RAMAC: variants seen among roughly 807,000 people sequenced by gnomAD.
The protein encoded by RAMAC is RNA guanine-7 methyltransferase activating subunit, also known as RNA guanine-N7 methyltransferase activating subunit.
Under a neutral mutation model 17.9 loss-of-function variants are expected in RAMAC, and 11 were observed. The observed-to-expected ratio is 0.61, with a 90% CI of 0.39 to 1.02. RAMAC has a LOEUF of 1.02. Among genes scored for constraint, RAMAC ranks in the 50% least tolerant of loss-of-function variants. The probability of loss-of-function intolerance (pLI) is 0.01; values close to 1 mark genes in which losing one functional copy is unlikely to be tolerated. For synonymous variants in RAMAC, 27 were observed against 48.4 expected (o/e 0.56, Z 1.84); for missense variants, 109 against 144.0 (o/e 0.76, Z 1.25).
In RAMAC at chr15:82,990,010, T is replaced by G. The variant is rs780271255; in HGVS notation, c.300T>G (p.Tyr100Ter). Residue 100 changes from tyrosine (Y) to a stop codon, truncating the protein, a stop_gained, in exon 4 of 4, where the codon TAT (tyrosine) becomes TAG (stop). Transcript: ENST00000304191. LOFTEE classifies it high-confidence loss of function. ...NYPQHRQEPY[Y>*]PQQYGHYGYN... is the part of the protein sequence containing the mutation. ...CGCAACACAGACAAGAACCTTACTA[T>G]CCCCAGCAATATGGACATTATGGTT... 6.3e-7 allele frequency: 1 copy of G among 1,582,116 alleles called. No individual in the cohort carries two copies. The highest frequency in any genetic ancestry group is 1.1e-5 in the South Asian group (1 of 89,704).
intron 1 of RAMAC, among the ~76,000 whole-genome samples, chr15:82,986,737 T>C (rs2030627286): frequency 6.6e-6 from 1 of 152,190 alleles, no homozygotes; most frequent in African/African-American, 2.4e-5. Context: ...TTGTGGTGAA[T>C]AAATTAGCAG....
chr15:82,987,504 A>C (rs1290454699), intron 2 of RAMAC, 120 bp downstream of exon 2: 1 of 152,182 alleles, frequency 6.6e-6, no homozygotes, highest in Non-Finnish European at 1.5e-5. Context: ...GAGAACATAA[A>C]AATGGAGTAG....
rs2030741220 is a variant in RAMAC, at chr15:82,988,959, AGT to A, written c.-9-48_-9-47del. The A allele has an allele frequency of 3.5e-5, 53 of 1,495,766 alleles. No homozygotes were observed. The South Asian group carries it at 7.0e-4, about 20-fold the overall frequency. 92.7% of individuals were successfully genotyped at this position (1,495,766 alleles called of 1,614,324 possible). A position where few individuals can be genotyped will look rare whatever the true frequency, so the allele number is the denominator to read the frequency against. ...TCTTGGTTTTTCATTATTTGGAGAG[AGT>A]GTTAATTTTTAAATTTTTTTTAATG... On this transcript the variant is annotated intron_variant, in intron 2 of 3. Transcript: ENST00000304191.
intron 3 of RAMAC, 54 bp from the exon 4 acceptor site, chr15:82,989,825 CAT>C (rs1003044557): frequency 5.7e-6 from 9 of 1,591,168 alleles, no homozygotes; most frequent in African/African-American, 2.7e-5. Flanking sequence ...ATGGGTTTGT[CAT>C]ATGTTTTTTT....
chr15:82,989,860 T>A (rs762120699), intron 3 of RAMAC, 21 bp from the exon 4 acceptor site: 2 of 1,608,162 alleles, frequency 1.2e-6, no homozygotes, highest in South Asian at 2.2e-5. Flanking sequence ...TTTAAAGATC[T>A]TTTTTGTTTT....
chr15:82,986,232 G>C lies in RAMAC; in HGVS notation c.-196G>C. 5.2e-6 allele frequency: 2 copies of C among 387,586 alleles called. No individual in the cohort carries two copies. The highest frequency in any genetic ancestry group is 7.1e-6 in the Non-Finnish European group (2 of 283,604). 24.0% of individuals were successfully genotyped at this position (387,586 alleles called of 1,614,324 possible). A position where few individuals can be genotyped will look rare whatever the true frequency, so the allele number is the denominator to read the frequency against. ...GTCAGGTGGTTGTCGGATTTTAGAG[G>C]AAGGCGCTCGGTTACATTGGAGAAC... On this transcript the variant is annotated 5_prime_UTR_variant, in exon 1 of 4. Transcript: ENST00000304191.
intron 2 of RAMAC, among the ~76,000 whole-genome samples, chr15:82,987,769 G>T (rs932162749): frequency 2.0e-5 from 3 of 152,208 alleles, no homozygotes; most frequent in Non-Finnish European, 4.4e-5. Flanking sequence ...GCTGGGCGCG[G>T]TGGCTTATGC....
chr15:82,989,287 T>C (rs2030757963), intron 3 of RAMAC, 99 bp downstream of exon 3: 1 of 1,184,774 alleles, frequency 8.4e-7, no homozygotes, highest in Non-Finnish European at 1.2e-6. Flanking sequence ...CCAGTGTTTT[T>C]GGTATGGCAT....
intron 2 of RAMAC, chr15:82,988,799 G>A (rs1010738938): frequency 2.0e-6 from 1 of 495,762 alleles, no homozygotes; most frequent in Non-Finnish European, 3.6e-6. Context: ...GTGCCGCTGT[G>A]CTCCAGCCTG....
In RAMAC at chr15:82,990,817, T is replaced by C; in HGVS notation, c.*750T>C. 3 of 546,312 alleles carry C rather than the reference T, an allele frequency of 5.5e-6. No homozygotes were observed. Among genetic ancestry groups the C allele is most frequent in the Non-Finnish European group, 9.8e-6 (3 of 305,642 alleles). The allele number at this position is 546,312 out of a possible 1,614,324, so 33.8% of individuals were successfully genotyped here. On this transcript the variant is annotated 3_prime_UTR_variant, in exon 4 of 4. Transcript: ENST00000304191. ...GTTTAACTCTGTACTGTTCACACTT[T>C]TTAATCCTGTAAATAATGCTGCATT...
In RAMAC at chr15:82,988,439, T is replaced by C. The variant is rs149465238; in HGVS notation, c.-9-571T>C. 51 of 179,204 alleles carry C rather than the reference T, an allele frequency of 2.8e-4. 1 individual carries two copies. In the East Asian group the frequency reaches 9.1e-3, roughly 32 times the overall value. The allele number at this position is 179,204 out of a possible 1,614,324, so 11.1% of individuals were successfully genotyped here. On this transcript the variant is annotated intron_variant, in intron 2 of 3. Coordinates refer to ENST00000304191, the MANE Select transcript of RAMAC (RefSeq NM_031452.4). The stretch of plus-strand genomic sequence containing the variant: ...AGGTAGTATAAATGTTACAAATATT[T>C]GCATATGTTTGGAGGAAAGGCAGAC...
intron 2 of RAMAC, 52 bp from the exon 3 acceptor site, chr15:82,988,958 G>C (rs1052821688): frequency 1.4e-5 from 21 of 1,497,034 alleles, no homozygotes; most frequent in Non-Finnish European, 1.8e-5. Flanking sequence ...TATTTGGAGA[G>C]AGTGTTAATT....
In RAMAC at chr15:82,990,104, C is replaced by G; in HGVS notation, c.*37C>G. 1.0e-6 allele frequency: 1 copy of G among 996,484 alleles called. No homozygotes were observed. The highest frequency in any genetic ancestry group is 1.4e-6 in the Non-Finnish European group (1 of 722,864). The allele number at this position is 996,484 out of a possible 1,614,324, so 61.7% of individuals were successfully genotyped here. On this transcript the variant is annotated 3_prime_UTR_variant, in exon 4 of 4. Transcript: ENST00000304191. ...GCAGCTTTTAGTAAAAGCATTTACT[C>G]TGTTACCATGAGAAAAGTTTGGGTG...
intron 3 of RAMAC, among the ~76,000 whole-genome samples, chr15:82,989,663 T>C (rs2030774034): frequency 2.0e-5 from 3 of 152,248 alleles, no homozygotes; most frequent in Non-Finnish European, 2.9e-5. Flanking sequence ...ATAGTCTGCC[T>C]ATGTCTCTGT....
chr15:82,990,774 A>C lies in RAMAC; in HGVS notation c.*707A>C, dbSNP rs974249996. On this transcript the variant is annotated 3_prime_UTR_variant, in exon 4 of 4. Coordinates refer to ENST00000304191, the MANE Select transcript of RAMAC (RefSeq NM_031452.4). ...TTTTTGCTAACAACATAGCAGGTCA[A>C]AATTCACACATAAGAAAGTTTAACT... The C allele has an allele frequency of 6.5e-6, 5 of 774,224 alleles. No individual in the cohort carries two copies. Among genetic ancestry groups the C allele is most frequent in the Non-Finnish European group, 1.1e-5 (5 of 461,982 alleles). The allele number at this position is 774,224 out of a possible 1,614,324, so 48.0% of individuals were successfully genotyped here.
intron 3 of RAMAC, 76 bp downstream of exon 3, chr15:82,989,264 G>C (rs1194862000): frequency 5.3e-6 from 8 of 1,502,098 alleles, no homozygotes; most frequent in South Asian, 1.3e-5. Context: ...TGGAAGGCCA[G>C]TGAGGGCAGG....
chr15:82,986,668 A>G (rs1485965395), intron 1 of RAMAC, among the ~76,000 whole-genome samples: 1 of 152,078 alleles, frequency 6.6e-6, no homozygotes, highest in Non-Finnish European at 1.5e-5. Flanking sequence ...GCGAAACCCC[A>G]TTCTGGTTGG....
chr15:82,988,330 G>A (rs2030712743), intron 2 of RAMAC: 1 of 163,122 alleles, frequency 6.1e-6, no homozygotes. Flanking sequence ...GACTCCGTCT[G>A]GGGGAAAAGG....
rs938668175 is a variant in RAMAC, at chr15:82,990,592, C to T, written c.*525C>T. The T allele has an allele frequency of 2.6e-5, 35 of 1,345,916 alleles. No homozygotes were observed. The East Asian group carries it at 7.9e-4, about 30-fold the overall frequency. 83.4% of individuals were successfully genotyped at this position (1,345,916 alleles called of 1,614,324 possible). A position where few individuals can be genotyped will look rare whatever the true frequency, so the allele number is the denominator to read the frequency against. On this transcript the variant is annotated 3_prime_UTR_variant, in exon 4 of 4. Coordinates refer to ENST00000304191, the MANE Select transcript of RAMAC (RefSeq NM_031452.4). ...AAGTGACTATGGTACTTTGTGATTCCTTAATCTATAGATGAGTCAGCTCCA... is the reference window on the plus strand; with the variant it reads ...AAGTGACTATGGTACTTTGTGATTCTTTAATCTATAGATGAGTCAGCTCCA...
Sources: gnomAD v4.1 joint callset for allele counts (sites outside exome capture counted in the v4.1 genomes callset) on GRCh38, gnomAD v4.1.1 for gene constraint, MANE v1.5 for transcripts, NCBI Gene and HGNC (gene_info 2026-07-23, HGNC 2026-07-21) for gene names.